DHX9: variants seen among roughly 807,000 people sequenced by gnomAD.
The protein encoded by DHX9 is DExH-box helicase 9, also known as ATP-dependent RNA helicase A.
A neutral mutation model predicts 148.7 loss-of-function variants in DHX9; 27 were observed. The observed-to-expected ratio is 0.18, with a 90% CI of 0.13 to 0.25. The LOEUF (loss-of-function observed/expected upper bound fraction) is 0.25, where lower values mean the gene tolerates loss of function less well. DHX9 is among the 10% of genes least tolerant of loss of function. The pLI, the probability that DHX9 is intolerant of heterozygous loss-of-function variation, is 1.00. For missense variants in DHX9, 796 were observed against 1,559.6 expected (o/e 0.51, Z 8.25); for synonymous variants, 529 against 516.6 (o/e 1.02, Z -0.33).
intron 11 of DHX9, among the ~76,000 whole-genome samples, 190 bp from the exon 12 acceptor site, chr1:182,859,803 G>A (rs571973500): frequency 3.9e-5 from 6 of 152,224 alleles, no homozygotes; most frequent in African/African-American, 7.2e-5. Flanking sequence ...AGTAGAGATG[G>A]GGTTTCACCA....
At chr1:182,848,934 A>G (rs1668079630) in intron 3 of DHX9, among the ~76,000 whole-genome samples, 1 of 152,220 alleles carries the variant, frequency 6.6e-6, no homozygotes. Context: ...TGTTGCTAGG[A>G]TAGCAGTACC....
chr1:182,884,412 TAAG>T (rs1192432322), intron 26 of DHX9, among the ~76,000 whole-genome samples, 198 bp from the exon 27 acceptor site: 1 of 152,230 alleles, frequency 6.6e-6, no homozygotes, highest in African/African-American at 2.4e-5. Flanking sequence ...CAGTGAATTT[TAAG>T]AAGCTAGTGC....
chr1:182,860,132 A>G lies in DHX9; in HGVS notation c.1280A>G (p.Asp427Gly). 2 of 1,613,764 alleles carry G rather than the reference A, an allele frequency of 1.2e-6. No homozygotes were observed. Among genetic ancestry groups the G allele is most frequent in the Non-Finnish European group, 1.7e-6 (2 of 1,179,890 alleles). ...ACACAGGTTCCCCAGTTCATTCTAGATGACTTTATCCAGAATGACCGAGCA... is the reference window on the plus strand; with the variant it reads ...ACACAGGTTCCCCAGTTCATTCTAGGTGACTTTATCCAGAATGACCGAGCA... ...KTTQVPQFIL[D>G]DFIQNDRAAE... Residue 427 changes from aspartate (D) to glycine (G), a missense_variant, in exon 12 of 28, where the codon GAT (aspartate) becomes GGT (glycine). Around this residue, in one of 14 missense-constraint regions of DHX9, gnomAD observed 58 missense variants for 122.8 expected, o/e 0.47. Coordinates refer to ENST00000367549, the MANE Select transcript of DHX9 (RefSeq NM_001357.5).
chr1:182,839,890 A>G (rs1667886544), intron 1 of DHX9: 1 of 152,306 alleles, frequency 6.6e-6, no homozygotes, highest in South Asian at 2.1e-4. Flanking sequence ...AGAGGAAAAA[A>G]AATTGAAGAA....
At chr1:182,873,108 A>G (rs1197669941) in intron 15 of DHX9, among the ~76,000 whole-genome samples, 2 of 152,006 alleles carry the variant, frequency 1.3e-5, no homozygotes, top group Non-Finnish European at 2.9e-5. Flanking sequence ...GGCGCACAAC[A>G]CCACGCCTGG....
chr1:182,869,929 A>G (rs1228277249), intron 14 of DHX9, among the ~76,000 whole-genome samples: 47 of 152,232 alleles, frequency 3.1e-4, no homozygotes, highest in Non-Finnish European at 5.9e-5. Context: ...CTCTTTCAAG[A>G]TAAATCTTAC....
chr1:182,865,922 T>C (rs1166955779), intron 12 of DHX9, among the ~76,000 whole-genome samples: 4 of 152,124 alleles, frequency 2.6e-5, no homozygotes, highest in African/African-American at 9.7e-5. Context: ...GAAATAGCAA[T>C]ACACACAGTT....
At position 182,870,522 on chromosome 1, in the gene DHX9, C is replaced by T. The variant is rs114849714; in HGVS notation, c.1558-1815C>T. 4.7e-3 allele frequency among the ~76,000 whole-genome samples: 712 copies of T among 152,138 alleles called. 6 individuals are homozygous for T. The highest frequency in any genetic ancestry group is 0.016 in the African/African-American group (682 of 41,496). On this transcript the variant is annotated intron_variant, in intron 14 of 27. Coordinates refer to ENST00000367549, the MANE Select transcript of DHX9 (RefSeq NM_001357.5). ...TGTTACATGCAACATTGTTAGGAGACGGTGGCATGTCAGATTAGTGAGAAA... is the reference window on the plus strand; with the variant it reads ...TGTTACATGCAACATTGTTAGGAGATGGTGGCATGTCAGATTAGTGAGAAA...
Position 182,874,970 on chromosome 1 carries a change from G to T in DHX9, c.1815+16G>T, listed in dbSNP as rs779765269. ...GGATGATGATGTAAGTGAATTTCAT[G>T]AAGAATTTCCATTATGGGCAAATTG... On this transcript the variant is annotated intron_variant, in intron 16 of 27. Coordinates refer to ENST00000367549, the MANE Select transcript of DHX9 (RefSeq NM_001357.5). 5 of 1,594,236 alleles carry T rather than the reference G, an allele frequency of 3.1e-6. No individual in the cohort carries two copies. Among genetic ancestry groups the T allele is most frequent in the South Asian group, 2.2e-5 (2 of 90,532 alleles).
chr1:182,873,555 A>G (rs1223225306), intron 15 of DHX9, among the ~76,000 whole-genome samples: 3 of 152,222 alleles, frequency 2.0e-5, no homozygotes, highest in Non-Finnish European at 4.4e-5. Context: ...GTTAAGGATA[A>G]GTGGGATTGC....
intron 12 of DHX9, among the ~76,000 whole-genome samples, chr1:182,863,662 C>T (rs16859774): frequency 0.058 from 8,896 of 152,132 alleles, 362 homozygotes; most frequent in African/African-American, 0.12. Context: ...CATCTTCATA[C>T]GCTGTACAGT....
At chr1:182,882,010 A>G (rs1458997762) in intron 24 of DHX9, among the ~76,000 whole-genome samples, 3 of 152,220 alleles carry the variant, frequency 2.0e-5, no homozygotes, top group African/African-American at 7.2e-5. Context: ...TTCTTTTCCA[A>G]CTAGGTTAAA....
At chr1:182,883,485 C>G (rs1314841200) in intron 25 of DHX9, 35 bp from the exon 26 acceptor site, 2 of 1,596,722 alleles carry the variant, frequency 1.3e-6, no homozygotes, top group Admixed American at 3.3e-5. Flanking sequence ...GTTGGAATGT[C>G]AACCATTTTG....
At position 182,860,106 on chromosome 1, in the gene DHX9, C is replaced by T; in HGVS notation, c.1254C>T (p.Thr418=). The T allele has an allele frequency of 6.2e-7, 1 of 1,613,878 alleles. No individual in the cohort carries two copies. The highest frequency in any genetic ancestry group is 8.5e-7 in the Non-Finnish European group (1 of 1,179,910). Residue 418 remains threonine, a synonymous_variant, in exon 12 of 28, where the codon ACC becomes ACT. Coordinates refer to ENST00000367549, the MANE Select transcript of DHX9 (RefSeq NM_001357.5). ...GAGGGGCTACTGGATGTGGGAAAAC[C>T]ACACAGGTTCCCCAGTTCATTCTAG... The part of the protein sequence containing the change: ...IIRGATGCGK[T]TQVPQFILDD...
At chr1:182,850,545 TCATTGCAC>T (rs1264109429) in intron 3 of DHX9, among the ~76,000 whole-genome samples, 2 of 151,364 alleles carry the variant, frequency 1.3e-5, no homozygotes, top group African/African-American at 2.4e-5. Flanking sequence ...CAGTGATCTG[TCATTGCAC>T]CATTGCACTC....
At chr1:182,864,751 CAAA>C (rs1648215211) in intron 12 of DHX9, among the ~76,000 whole-genome samples, 1 of 151,988 alleles carries the variant, frequency 6.6e-6, no homozygotes, top group Non-Finnish European at 1.5e-5. Context: ...AGAAATTCAG[CAAA>C]AAAGTGCTTC....
chr1:182,843,546 T>C, intron 3 of DHX9, 112 bp downstream of exon 3: 2 of 1,142,366 alleles, frequency 1.8e-6, no homozygotes, highest in Non-Finnish European at 2.4e-6. Context: ...ATATCGTGTT[T>C]CGTAATGAAA....
chr1:182,877,766 A>G (rs746568519), intron 19 of DHX9: 21 of 414,176 alleles, frequency 5.1e-5, no homozygotes, highest in Admixed American at 1.2e-4. Flanking sequence ...ACTATAAGGT[A>G]GATAATGGCA....
Position 182,876,038 on chromosome 1 carries a change from T to G in DHX9, c.1816-12T>G. 6.2e-7 allele frequency: 1 copy of G among 1,611,462 alleles called. No individual in the cohort carries two copies. The highest frequency in any genetic ancestry group is 8.5e-7 in the Non-Finnish European group (1 of 1,178,488). On this transcript the variant is annotated splice_polypyrimidine_tract_variant and intron_variant, in intron 16 of 27. Coordinates refer to ENST00000367549, the MANE Select transcript of DHX9 (RefSeq NM_001357.5). ...GAGACAATCCAAAAATATGTCTCCC[T>G]GTTTTTTACAGGCAAATTGCAACTT...
Sources: gnomAD v4.1 joint callset for allele counts (sites outside exome capture counted in the v4.1 genomes callset) on GRCh38, gnomAD v4.1.1 for gene constraint, gnomAD v4.1.1 regional missense constraint, MANE v1.5 for transcripts, NCBI Gene and HGNC (gene_info 2026-07-23, HGNC 2026-07-21) for gene names.